Variants in PLEKHO1 observed in about 807,000 individuals in gnomAD.
PLEKHO1 encodes the protein pleckstrin homology domain containing O1, also known as pleckstrin homology domain-containing family O member 1.
A neutral mutation model predicts 41.4 loss-of-function variants in PLEKHO1; 22 were observed. The observed-to-expected ratio is 0.53, with a 90% confidence interval of 0.38 to 0.76. The LOEUF (loss-of-function observed/expected upper bound fraction) is 0.76, where lower values mean the gene tolerates loss of function less well. Ranked by LOEUF, PLEKHO1 falls within the 30% of genes least tolerant of loss-of-function variation. The probability of loss-of-function intolerance (pLI) is 0.00; values close to 1 mark genes in which losing one functional copy is unlikely to be tolerated. For synonymous variants in PLEKHO1, 225 were observed against 210.8 expected (o/e 1.07, Z -0.58); for missense variants, 488 against 518.3 (o/e 0.94, Z 0.57).
rs1660291947 is a variant in PLEKHO1 at position 150,158,873 on chromosome 1, G to A, written c.580G>A (p.Asp194Asn). ...MLTLDLIQEE[D>N]PSPEEPTSCA... ...GACCTTGGACTTGATCCAAGAGGAA[G>A]ACCCTTCCCCTGAGGAACCAACCTC... Residue 194 changes from aspartate to asparagine, a missense_variant, in exon 6 of 6, where the codon GAC becomes AAC. Physicochemically the swap from Asp to Asn is conservative, Grantham distance 23. This residue lies in a region of PLEKHO1 where 337 missense variants were observed against 324.6 expected (regional missense o/e 1.04). Transcript: ENST00000369124. 6.2e-7 allele frequency: 1 copy of A among 1,613,720 alleles called. No individual in the cohort carries two copies. The highest frequency in any genetic ancestry group is 8.5e-7 in the Non-Finnish European group (1 of 1,179,796).
chr1:150,155,556 G>A (rs1027332775), intron 2 of PLEKHO1: 1 of 152,534 alleles, frequency 6.6e-6, no homozygotes, highest in Non-Finnish European at 1.5e-5. Flanking sequence ...TGGGGTGGGA[G>A]AGCTATACTG....
At chr1:150,156,561 G>A (rs1022018426) in intron 3 of PLEKHO1, among the ~76,000 whole-genome samples, 1 of 152,122 alleles carries the variant, frequency 6.6e-6, no homozygotes, top group African/African-American at 2.4e-5. Context: ...TCTTGTCTGA[G>A]GGAACCCAGG....
chr1:150,159,404 AG>A lies in PLEKHO1; in HGVS notation c.1114del (p.Val372CysfsTer8). 6.2e-7 allele frequency: 1 copy of A among 1,614,138 alleles called. No homozygotes were observed. The highest frequency in any genetic ancestry group is 8.5e-7 in the Non-Finnish European group (1 of 1,180,022). ...EASSNWSQAKRVLQEVRELRD... is the reference protein window; with the variant it reads ...EASSNWSQAKXVLQEVRELRD... ...ATCATCGAATTGGAGCCAGGCAAAG[AG>A]GGTGCTGCAGGAGGTCAGGGAGCTG... On this transcript the variant is annotated frameshift_variant, in exon 6 of 6. Coordinates refer to ENST00000369124, the MANE Select transcript of PLEKHO1 (RefSeq NM_016274.6). LOFTEE classifies it high-confidence loss of function.
chr1:150,154,537 C>T (rs1225942905), intron 2 of PLEKHO1: 5 of 152,272 alleles, frequency 3.3e-5, no homozygotes, highest in African/African-American at 1.2e-4. Flanking sequence ...TGGGCAGATA[C>T]AAGACTGTAG....
intron 2 of PLEKHO1, among the ~76,000 whole-genome samples, chr1:150,151,309 C>G (rs782689309): frequency 3.9e-5 from 6 of 152,296 alleles, no homozygotes; most frequent in Middle Eastern, 3.4e-3. Context: ...ACGATAAGCC[C>G]CTCCCAAGAT....
chr1:150,156,840 T>G lies in PLEKHO1; in HGVS notation c.319-71T>G. The G allele has an allele frequency of 5.7e-6, 5 of 879,694 alleles. No homozygotes were observed. The South Asian group carries it at 6.6e-5, about 12-fold the overall frequency. 54.5% of individuals were successfully genotyped at this position (879,694 alleles called of 1,614,324 possible). A position where few individuals can be genotyped will look rare whatever the true frequency, so the allele number is the denominator to read the frequency against. ...TCTAAGAAAGTGAGATTATAATCTC[T>G]TATTTCTTCATTGTCAAGGTGAGGC... On this transcript the variant is annotated intron_variant, in intron 3 of 5. Transcript: ENST00000369124.
In PLEKHO1 at chr1:150,159,238, A is replaced by G. The variant is rs1559964285; in HGVS notation, c.945A>G (p.Lys315=). Residue 315 remains lysine, a synonymous_variant, in exon 6 of 6, where the codon AAA becomes AAG. Coordinates refer to ENST00000369124, the MANE Select transcript of PLEKHO1 (RefSeq NM_016274.6). ...LSRIQDLVAR[K]LEETQELLAE... is the part of the protein sequence containing the mutation. ...GGATCCAGGACCTGGTAGCAAGGAA[A>G]CTGGAGGAGACTCAGGAGCTTCTGG... 1.2e-6 allele frequency: 2 copies of G among 1,614,140 alleles called. No individual in the cohort carries two copies. Among genetic ancestry groups the G allele is most frequent in the East Asian group, 4.5e-5 (2 of 44,890 alleles).
At chr1:150,155,669 TA>T (rs1660135712) in intron 2 of PLEKHO1, 1 of 158,334 alleles carries the variant, frequency 6.3e-6, no homozygotes, top group African/African-American at 2.4e-5. Flanking sequence ...TCAAGGGCCA[TA>T]CAGGTCTGTC....
rs782533818 is a variant in PLEKHO1, at chr1:150,159,058, C to T, written c.765C>T (p.Pro255=). 32 of 1,614,004 alleles carry T rather than the reference C, an allele frequency of 2.0e-5. No homozygotes were observed. The highest frequency in any genetic ancestry group is 2.2e-5 in the Non-Finnish European group (26 of 1,179,996). Residue 255 remains proline, a synonymous_variant, in exon 6 of 6, where the codon CCC becomes CCT. Transcript: ENST00000369124. ...CAGACAAAGGGGCCACCTACACCCC[C>T]CAGGCACCCAAGAAGTTGACGCCCA... The part of the protein sequence containing the change: ...EKTDKGATYT[P]QAPKKLTPTE...
At chr1:150,156,675 ATAT>A (rs1553820477) in intron 3 of PLEKHO1, among the ~76,000 whole-genome samples, 1 of 152,118 alleles carries the variant, frequency 6.6e-6, no homozygotes, top group African/African-American at 2.4e-5. Context: ...TACCATACTA[ATAT>A]TCAGTATCCT....
chr1:150,155,939 C>G, intron 2 of PLEKHO1, 127 bp from the exon 3 acceptor site: 2 of 819,394 alleles, frequency 2.4e-6, no homozygotes, highest in Non-Finnish European at 3.9e-6. Context: ...GCAGACGGCC[C>G]TCTCCTCTCC....
At chr1:150,150,864 C>T in intron 1 of PLEKHO1, 48 bp from the exon 2 acceptor site, 2 of 1,579,508 alleles carry the variant, frequency 1.3e-6, no homozygotes, top group Non-Finnish European at 1.7e-6. Context: ...AGAGGAAGCG[C>T]CGGCTGGAAT....
At position 150,158,809 on chromosome 1, in the gene PLEKHO1, T is replaced by C. The variant is rs782019835; in HGVS notation, c.526-10T>C. On this transcript the variant is annotated splice_polypyrimidine_tract_variant and intron_variant, in intron 5 of 5. Transcript: ENST00000369124. The stretch of plus-strand genomic sequence containing the variant: ...ACAGGTTCCCCACTCATTCCCCCCT[T>C]CCTCCACAGGCTTCCACCTCTACCT... 3.2e-6 allele frequency: 5 copies of C among 1,576,888 alleles called. No homozygotes were observed. The African/African-American group carries it at 5.4e-5, about 17-fold the overall frequency.
intron 2 of PLEKHO1, among the ~76,000 whole-genome samples, chr1:150,151,375 A>G (rs1553818983): frequency 2.0e-5 from 3 of 152,264 alleles, no homozygotes; most frequent in African/African-American, 4.8e-5. Context: ...GGCCTCCTGC[A>G]TATAGGATTT....
At chr1:150,158,531 CAAA>C (rs1285075943) in intron 5 of PLEKHO1, among the ~76,000 whole-genome samples, 2 of 148,908 alleles carry the variant, frequency 1.3e-5, no homozygotes, top group Non-Finnish European at 3.0e-5. Context: ...GCTAAAAATA[CAAA>C]AAAAAAGAGC....
chr1:150,159,308 C>T lies in PLEKHO1; in HGVS notation c.1015C>T (p.Pro339Ser), dbSNP rs782548561. ...AGATGGGAAGCGAAAGGCCAAGGAC[C>T]CCCCTCGGTCTCCGCCGGATTCTGA... Reference protein sequence around the residue: ...LGDGKRKAKDPPRSPPDSESE... With the variant: ...LGDGKRKAKDSPRSPPDSESE... Residue 339 changes from proline (P) to serine (S), a missense_variant, in exon 6 of 6, where the codon CCC (proline) becomes TCC (serine). Transcript: ENST00000369124. 2 of 1,614,148 alleles carry T rather than the reference C, an allele frequency of 1.2e-6. No individual in the cohort carries two copies. Among genetic ancestry groups the T allele is most frequent in the East Asian group, 2.2e-5 (1 of 44,878 alleles).
intron 4 of PLEKHO1, 41 bp from the exon 5 acceptor site, chr1:150,157,344 G>A (rs1660215120): frequency 6.9e-7 from 1 of 1,452,000 alleles, no homozygotes. Flanking sequence ...GGGACAGCGA[G>A]TCGCTGAAGA....
rs368751826 is a variant in PLEKHO1 at position 150,156,335 on chromosome 1, C to T, written c.318+129C>T. ...ATTCCCTGAATTGCTCTCCTGCTGG[C>T]TTTTATCATTTCACCTGAGAATATT... On this transcript the variant is annotated intron_variant, in intron 3 of 5. Coordinates refer to ENST00000369124, the MANE Select transcript of PLEKHO1 (RefSeq NM_016274.6). The T allele has an allele frequency of 1.6e-3, 1,214 of 751,218 alleles. 7 individuals are homozygous for T. The highest frequency in any genetic ancestry group is 0.015 in the Middle Eastern group (40 of 2,590). The allele number at this position is 751,218 out of a possible 1,614,324, so 46.5% of individuals were successfully genotyped here.
chr1:150,152,285 G>T (rs896697780), intron 2 of PLEKHO1, among the ~76,000 whole-genome samples: 2 of 152,140 alleles, frequency 1.3e-5, no homozygotes, highest in Admixed American at 1.3e-4. Context: ...CACAAAACTA[G>T]CAAGTTGGTG....
Sources: allele counts gnomAD v4.1 joint callset (sites outside exome capture counted in the v4.1 genomes callset), GRCh38; gene constraint gnomAD v4.1.1; regional missense constraint gnomAD v4.1.1; transcripts MANE v1.5; gene names NCBI Gene and HGNC (gene_info 2026-07-23, HGNC 2026-07-21).